Variants in CNTNAP2 observed in about 807,000 individuals in gnomAD.
CNTNAP2 encodes the protein contactin associated protein 2, also known as contactin-associated protein-like 2.
A neutral mutation model predicts 155.2 loss-of-function variants in CNTNAP2; 98 were observed. That is an observed-to-expected ratio of 0.63 (90% confidence interval 0.54 to 0.75). The LOEUF (loss-of-function observed/expected upper bound fraction) is 0.75, where lower values mean the gene tolerates loss of function less well. CNTNAP2 is among the 30% of genes least tolerant of loss of function. The pLI is 0.00. For missense variants in CNTNAP2, 1,727 were observed against 1,688.1 expected (o/e 1.02, Z -0.40); for synonymous variants, 651 against 631.2 (o/e 1.03, Z -0.47).
chr7:147,618,347 C>T (rs1360966937), intron 12 of CNTNAP2, among the ~76,000 whole-genome samples: 1 of 152,176 alleles, frequency 6.6e-6, no homozygotes, highest in South Asian at 2.1e-4. Context: ...TTTATATATA[C>T]ATTTTAATTT....
At position 146,548,527 on chromosome 7, in the gene CNTNAP2, C is replaced by T. The variant is rs200232961; in HGVS notation, c.98-225744C>T. On this transcript the variant is annotated intron_variant, in intron 1 of 23. Coordinates refer to ENST00000361727, the MANE Select transcript of CNTNAP2 (RefSeq NM_014141.6). ...TGTCTTTTGCTTTTTTCATAATCAC[C>T]ATCCTGAGAGAAATGAGGTGGTGTC... Among the ~76,000 whole-genome samples, 9 of 151,906 alleles carry T rather than the reference C, an allele frequency of 5.9e-5. No homozygotes were observed. In the East Asian group the frequency reaches 1.7e-3, roughly 30 times the overall value.
intron 21 of CNTNAP2, among the ~76,000 whole-genome samples, chr7:148,357,499 A>T (rs1235444036): frequency 6.6e-6 from 1 of 152,130 alleles, no homozygotes; most frequent in East Asian, 1.9e-4. Flanking sequence ...TGCAAATTGT[A>T]GCCCCCGTTC....
intron 1 of CNTNAP2, among the ~76,000 whole-genome samples, chr7:146,679,376 A>T: frequency 7.6e-6 from 1 of 131,436 alleles, no homozygotes. Flanking sequence ...TTGGAGACAG[A>T]GTCTCACATT....
chr7:147,952,373 C>T (rs35483092), intron 14 of CNTNAP2, among the ~76,000 whole-genome samples: 8,453 of 149,028 alleles, frequency 0.057, 338 homozygotes, highest in South Asian at 0.13. Context: ...ACCCAGGAGG[C>T]AGAGGTTGTA....
chr7:147,087,431 T>G (rs1800301351), intron 4 of CNTNAP2, among the ~76,000 whole-genome samples: 1 of 152,172 alleles, frequency 6.6e-6, no homozygotes, highest in Non-Finnish European at 1.5e-5. Context: ...TTAAAAACAT[T>G]TGTGTGTAGC....
chr7:146,850,124 C>T (rs533343854), intron 3 of CNTNAP2, among the ~76,000 whole-genome samples: 2 of 152,278 alleles, frequency 1.3e-5, no homozygotes, highest in East Asian at 3.9e-4. Flanking sequence ...GTGAAATGAT[C>T]ATTCTGGCAA....
chr7:148,241,715 A>G (rs1425965124), intron 20 of CNTNAP2, among the ~76,000 whole-genome samples: 1 of 152,238 alleles, frequency 6.6e-6, no homozygotes, highest in Non-Finnish European at 1.5e-5. Context: ...TACAGAAAAT[A>G]TGTTAAGAAA....
chr7:146,798,835 A>G (rs1585095668), intron 2 of CNTNAP2, among the ~76,000 whole-genome samples: 2 of 152,152 alleles, frequency 1.3e-5, no homozygotes, highest in Admixed American at 1.3e-4. Context: ...AATTATAATT[A>G]CCCACATTTT....
At chr7:146,669,169 T>G (rs1045610877) in intron 1 of CNTNAP2, among the ~76,000 whole-genome samples, 2 of 152,194 alleles carry the variant, frequency 1.3e-5, no homozygotes, top group Non-Finnish European at 2.9e-5. Context: ...CTTTCATCTC[T>G]CATAGCCACT....
intron 23 of CNTNAP2, among the ~76,000 whole-genome samples, chr7:148,412,417 C>G (rs955205049): frequency 6.6e-6 from 1 of 152,232 alleles, no homozygotes; most frequent in Non-Finnish European, 1.5e-5. Context: ...GTTTATTTGT[C>G]TCATCAGTTT....
At chr7:146,849,690 A>G (rs1164059572) in intron 3 of CNTNAP2, among the ~76,000 whole-genome samples, 2 of 152,176 alleles carry the variant, frequency 1.3e-5, no homozygotes, top group Non-Finnish European at 1.5e-5. Context: ...ATTGTTTAGA[A>G]CAATGCCCCA....
rs188744950 is a variant in CNTNAP2, at chr7:146,164,637, G to A, written c.97+47664G>A. On this transcript the variant is annotated intron_variant, in intron 1 of 23. Coordinates refer to ENST00000361727, the MANE Select transcript of CNTNAP2 (RefSeq NM_014141.6). ...TCCTTCTCATTTGGCTAAAGAAGTG[G>A]TCTCTTCCCTGCTTTATTGCATAGG... Among the ~76,000 whole-genome samples the A allele has an allele frequency of 9.2e-5, 14 of 152,254 alleles. No individual in the cohort carries two copies. The South Asian group carries it at 1.7e-3, about 18-fold the overall frequency.
intron 13 of CNTNAP2, among the ~76,000 whole-genome samples, chr7:147,736,653 G>A (rs1316371800): frequency 6.6e-6 from 1 of 152,144 alleles, no homozygotes; most frequent in East Asian, 1.9e-4. Context: ...TCACTTTCAG[G>A]TACACCAATC....
chr7:146,117,161 C>T (rs1797496111), intron 1 of CNTNAP2, 188 bp downstream of exon 1: 5 of 603,868 alleles, frequency 8.3e-6, no homozygotes, highest in Non-Finnish European at 1.5e-5. Flanking sequence ...TTGGAAGAGA[C>T]AGGGTTGTGA....
intron 14 of CNTNAP2, among the ~76,000 whole-genome samples, chr7:147,929,857 AC>A (rs1386145712): frequency 2.0e-5 from 3 of 152,294 alleles, no homozygotes; most frequent in Admixed American, 2.0e-4. Flanking sequence ...TGGGGACAAA[AC>A]TGTTCCACCT....
At chr7:148,089,447 C>T (rs191851794) in intron 15 of CNTNAP2, among the ~76,000 whole-genome samples, 9 of 151,984 alleles carry the variant, frequency 5.9e-5, no homozygotes, top group African/African-American at 2.2e-4. Context: ...AAAATGAATT[C>T]ACTAAAGTTG....
intron 3 of CNTNAP2, among the ~76,000 whole-genome samples, chr7:146,859,382 T>C (rs12703842): frequency 0.22 from 33,213 of 152,056 alleles, 4,376 homozygotes; most frequent in Non-Finnish European, 0.29. Flanking sequence ...CCTTGTTGGG[T>C]GCAGTGGCTC....
Position 146,677,712 on chromosome 7 carries a change from A to G in CNTNAP2, c.98-96559A>G, listed in dbSNP as rs562518787. Among the ~76,000 whole-genome samples, 558 of 151,694 alleles carry G rather than the reference A, an allele frequency of 3.7e-3. 5 individuals are homozygous for G. The highest frequency in any genetic ancestry group is 0.012 in the African/African-American group (515 of 41,352). ...GTGATTTTTTTTTTTTAGGAGAAAG[A>G]GGCAGTTCCTGAATTGTTTACTAAG... On this transcript the variant is annotated intron_variant, in intron 1 of 23. Transcript: ENST00000361727.
At chr7:148,393,230 T>TATTTCTGAACAGATCCC (rs1799393222) in intron 22 of CNTNAP2, among the ~76,000 whole-genome samples, 1 of 152,214 alleles carries the variant, frequency 6.6e-6, no homozygotes, top group African/African-American at 2.4e-5. Context: ...ACATCTGAAT[T>TATTTCTGAACAGATCCC]ATTTCTGAAC....
Sources: allele counts gnomAD v4.1 joint callset (sites outside exome capture counted in the v4.1 genomes callset), GRCh38; gene constraint gnomAD v4.1.1; transcripts MANE v1.5; gene names NCBI Gene and HGNC (gene_info 2026-07-23, HGNC 2026-07-21).